RLF: variants seen among roughly 807,000 people sequenced by gnomAD.
RLF encodes the protein RLF zinc finger, also known as zinc finger protein Rlf.
RLF carries 7 observed loss-of-function variants against 162.9 expected under a neutral mutation model. The observed-to-expected ratio is 0.04, with a 90% confidence interval of 0.02 to 0.08. RLF has a LOEUF of 0.08. Ranked by LOEUF, RLF falls within the 10% of genes least tolerant of loss-of-function variation. The pLI is 1.00. For missense variants in RLF, 1,664 were observed against 2,244.7 expected, an observed-to-expected ratio of 0.74 and a Z score of 5.23; for synonymous variants, 782 against 791.5, an observed-to-expected ratio of 0.99 and a Z score of 0.20.
At chr1:40,162,868 G>A (rs1642115442) in intron 1 of RLF, among the ~76,000 whole-genome samples, 1 of 152,188 alleles carries the variant, frequency 6.6e-6, no homozygotes. Context: ...AGTCATCCCT[G>A]TTTAGTAAGC....
At chr1:40,232,787 T>C (rs2284443) in intron 7 of RLF, among the ~76,000 whole-genome samples, 7,914 of 152,158 alleles carry the variant, frequency 0.052, 602 homozygotes, top group African/African-American at 0.17. Flanking sequence ...TCATTACAGC[T>C]TCAAACTCCT....
chr1:40,197,412 G>A (rs1180894474), intron 4 of RLF, among the ~76,000 whole-genome samples: 1 of 152,168 alleles, frequency 6.6e-6, no homozygotes, highest in Non-Finnish European at 1.5e-5. Context: ...CCAGAATTGG[G>A]CAGATCCTAT....
At position 40,202,630 on chromosome 1, in the gene RLF, T is replaced by C. The variant is rs1306084725; in HGVS notation, c.810+16T>C. Reference sequence around the variant, plus strand: ...TATTAAGGAGGTGAGTAAATAATTGTTGTCATTCAAACTTGGTATTAATTT... The same window carrying C: ...TATTAAGGAGGTGAGTAAATAATTGCTGTCATTCAAACTTGGTATTAATTT... On this transcript the variant is annotated intron_variant, in intron 5 of 7. Transcript: ENST00000372771. The C allele has an allele frequency of 7.2e-7, 1 of 1,395,622 alleles. No homozygotes were observed. The highest frequency in any genetic ancestry group is 9.7e-7 in the Non-Finnish European group (1 of 1,032,282). 86.5% of individuals were successfully genotyped at this position (1,395,622 alleles called of 1,614,324 possible). A position where few individuals can be genotyped will look rare whatever the true frequency, so the allele number is the denominator to read the frequency against.
chr1:40,186,789 T>C (rs1339779236), intron 1 of RLF, among the ~76,000 whole-genome samples: 1 of 152,166 alleles, frequency 6.6e-6, no homozygotes, highest in Non-Finnish European at 1.5e-5. Flanking sequence ...ATGGTGAATG[T>C]ATTCAGCAGA....
intron 1 of RLF, among the ~76,000 whole-genome samples, chr1:40,166,430 CAG>C (rs1251908269): frequency 2.6e-5 from 4 of 152,036 alleles, no homozygotes; most frequent in African/African-American, 9.7e-5. Context: ...TTGTGGAAGA[CAG>C]TGTGGCGATT....
intron 1 of RLF, among the ~76,000 whole-genome samples, chr1:40,166,935 A>G (rs775446239): frequency 9.2e-5 from 14 of 152,174 alleles, no homozygotes; most frequent in Middle Eastern, 3.4e-3. Context: ...GCACACCAAC[A>G]TGGCACATGT....
At position 40,189,100 on chromosome 1, in the gene RLF, G is replaced by A. The variant is rs1557743782; in HGVS notation, c.283G>A (p.Val95Met). The A allele has an allele frequency of 6.2e-7, 1 of 1,611,294 alleles. No homozygotes were observed. Among genetic ancestry groups the A allele is most frequent in the South Asian group, 1.1e-5 (1 of 90,924 alleles). ...ASNKNASEHIVYLLEVYRLAI... is the reference protein window; with the variant it reads ...ASNKNASEHIMYLLEVYRLAI... ...CAACAAGAATGCATCAGAACATATT[G>A]TGTATCTTCTGGAGGTATATCGACT... is the stretch of plus-strand genomic sequence containing the variant. The change falls in exon 2 of 8, where the codon GTG (valine) becomes ATG (methionine). Residue 95 changes from valine (V) to methionine (M), a missense_variant. Val to Met is a conservative substitution (Grantham distance 21). Transcript: ENST00000372771.
rs376909109 is a variant in RLF, at chr1:40,183,312, C to T, written c.238-5743C>T. 8.5e-5 allele frequency among the ~76,000 whole-genome samples: 13 copies of T among 152,302 alleles called. 1 individual carries two copies. Among genetic ancestry groups the T allele is most frequent in the East Asian group, 3.9e-4 (2 of 5,190 alleles). On this transcript the variant is annotated intron_variant, in intron 1 of 7. Transcript: ENST00000372771. ...GCAAAATTTGAAATAATCCAAACCC[C>T]TCTCTATTAGAAAACACATAACTTC...
At chr1:40,200,930 ACACACACACT>A (rs1170611107) in intron 4 of RLF, among the ~76,000 whole-genome samples, 12 of 118,260 alleles carry the variant, frequency 1.0e-4, no homozygotes, top group Non-Finnish European at 1.9e-4. Flanking sequence ...ACACACACAC[ACACACACACT>A]GGTTTATCCT....
intron 4 of RLF, 148 bp downstream of exon 4, chr1:40,195,912 T>C (rs1642629488): frequency 2.9e-6 from 2 of 700,768 alleles, no homozygotes; most frequent in Non-Finnish European, 4.5e-6. Context: ...TAGCATTTAA[T>C]GTTTTGCTTA....
In RLF at chr1:40,239,736, C is replaced by A. The variant is rs548524379; in HGVS notation, c.5034C>A (p.Ser1678=). The A allele has an allele frequency of 6.2e-6, 10 of 1,614,092 alleles. No homozygotes were observed. In the South Asian group the frequency reaches 9.9e-5, roughly 16 times the overall value. Residue 1678 remains serine (S), a synonymous_variant, in exon 8 of 8, where the codon TCC becomes TCA. Transcript: ENST00000372771. ...YRGTLKCNHS[S]KTTSLEQCNI... Reference sequence around the variant, plus strand: ...GAACTTTGAAATGTAATCATAGTTCCAAAACCACTTCCCTAGAACAGTGTA... The same window carrying A: ...GAACTTTGAAATGTAATCATAGTTCAAAAACCACTTCCCTAGAACAGTGTA...
intron 7 of RLF, among the ~76,000 whole-genome samples, chr1:40,233,370 A>G (rs561778636): frequency 4.5e-4 from 68 of 152,326 alleles, no homozygotes; most frequent in African/African-American, 1.6e-3. Context: ...CATCCCAGCC[A>G]GATTAGGCTG....
chr1:40,195,543 C>A (rs1036549928), intron 3 of RLF, 89 bp from the exon 4 acceptor site: 6 of 1,014,550 alleles, frequency 5.9e-6, no homozygotes, highest in South Asian at 2.0e-5. Context: ...TAGGTTCTTT[C>A]AATTCCTAGG....
intron 1 of RLF, among the ~76,000 whole-genome samples, chr1:40,167,990 A>T (rs1171944743): frequency 6.6e-6 from 1 of 151,072 alleles, no homozygotes; most frequent in Non-Finnish European, 1.5e-5. Context: ...GGAGACCAAG[A>T]CGAGAGGATC....
At chr1:40,189,012 T>C (rs1468836177) in intron 1 of RLF, 43 bp from the exon 2 acceptor site, 4 of 1,337,900 alleles carry the variant, frequency 3.0e-6, no homozygotes, top group Non-Finnish European at 4.1e-6. Flanking sequence ...ACAATCTGTT[T>C]CATTATTTTT....
Position 40,195,150 on chromosome 1 carries a change from T to C in RLF, c.475-482T>C, listed in dbSNP as rs569115926. 1.2e-3 allele frequency among the ~76,000 whole-genome samples: 183 copies of C among 151,172 alleles called. 1 individual carries two copies. Among genetic ancestry groups the C allele is most frequent in the Non-Finnish European group, 1.7e-3 (115 of 67,786 alleles). ...GTGCCTGGCCCCATCCTAGTTTTTT[T>C]CTAAAAACAGCAACAGAGGCTGGAC... On this transcript the variant is annotated intron_variant, in intron 3 of 7. Transcript: ENST00000372771.
At chr1:40,170,761 G>A (rs1241065504) in intron 1 of RLF, among the ~76,000 whole-genome samples, 3 of 152,134 alleles carry the variant, frequency 2.0e-5, no homozygotes, top group Non-Finnish European at 4.4e-5. Flanking sequence ...AAATATTTTA[G>A]TGTATTATAA....
At chr1:40,216,552 C>G (rs1642927036) in intron 5 of RLF, among the ~76,000 whole-genome samples, 1 of 151,192 alleles carries the variant, frequency 6.6e-6, no homozygotes. Context: ...AATAGAAAAC[C>G]TGAATATACC....
chr1:40,191,560 A>G (rs1193274421), intron 3 of RLF, among the ~76,000 whole-genome samples: 1 of 151,644 alleles, frequency 6.6e-6, no homozygotes, highest in Admixed American at 6.6e-5. Flanking sequence ...AAAAGACATA[A>G]TAAATAATAG....
Sources: gnomAD v4.1 joint callset for allele counts (sites outside exome capture counted in the v4.1 genomes callset) on GRCh38, gnomAD v4.1.1 for gene constraint, MANE v1.5 for transcripts, NCBI Gene and HGNC (gene_info 2026-07-23, HGNC 2026-07-21) for gene names.